Variants in TRIOBP observed in about 807,000 individuals in gnomAD.
The protein encoded by TRIOBP is TRIO and F-actin binding protein, also known as TRIO and F-actin-binding protein.
In TRIOBP, 169 loss-of-function variants were observed where a neutral mutation model predicts 238.8. The observed-to-expected ratio is 0.71, with a 90% confidence interval of 0.62 to 0.80. The LOEUF is 0.80. Among genes scored for constraint, TRIOBP ranks in the 30% least tolerant of loss-of-function variants. TRIOBP has a pLI of 0.00. For missense variants in TRIOBP, 2,838 were observed against 3,122.6 expected (o/e 0.91, Z 2.17); for synonymous variants, 1,150 against 1,274.4 (o/e 0.90, Z 2.08).
At position 37,749,148 on chromosome 22, in the gene TRIOBP, A is replaced by T. The variant is rs1311998082; in HGVS notation, c.5323-2624A>T. 5.3e-5 allele frequency among the ~76,000 whole-genome samples: 8 copies of T among 152,166 alleles called. No homozygotes were observed. In the East Asian group the frequency reaches 1.5e-3, roughly 29 times the overall value. ...GGTGGATGGATCACTTGAGGTCAGG[A>T]GTTCGAGACCAGCCTGGCCAGCATG... On this transcript the variant is annotated intron_variant, in intron 11 of 23. Transcript: ENST00000644935.
rs1555894671 is a variant in TRIOBP, at chr22:37,711,590, A to AAC, written c.254+1025_254+1026insCA. ...CGAGGCTCCGTCTCAAAAAAAAAAA[A>AAC]AACAACAAAAAAAAAAAACAAAAAA... On this transcript the variant is annotated intron_variant, in intron 4 of 23. Transcript: ENST00000644935. Among the ~76,000 whole-genome samples the AAC allele has an allele frequency of 4.7e-3, 224 of 47,394 alleles. 4 individuals are homozygous for AAC. The highest frequency in any genetic ancestry group is 8.3e-3 in the African/African-American group (216 of 25,948). The allele number at this position is 47,394 out of a possible 152,430, so 31.1% of individuals were successfully genotyped here.
intron 15 of TRIOBP, among the ~76,000 whole-genome samples, chr22:37,757,107 A>G (rs1487506341): frequency 6.6e-6 from 1 of 152,084 alleles, no homozygotes; most frequent in East Asian, 1.9e-4. Flanking sequence ...CACGCCTGTA[A>G]TCCCAGAGCT....
intron 11 of TRIOBP, among the ~76,000 whole-genome samples, chr22:37,743,834 T>TGTGTGCTGG (rs1488898343): frequency 3.2e-5 from 4 of 125,924 alleles, no homozygotes; most frequent in East Asian, 2.3e-4. Context: ...TGTGTGTGTG[T>TGTGTGCTGG]GTGTGTGTGT....
chr22:37,702,176 C>T (rs1310163333), intron 3 of TRIOBP, among the ~76,000 whole-genome samples: 1 of 131,978 alleles, frequency 7.6e-6, no homozygotes, highest in African/African-American at 2.5e-5. Context: ...TGTCGTTACA[C>T]CCTAACTTGA....
chr22:37,771,819 A>G, intron 22 of TRIOBP, 83 bp downstream of exon 22: 1 of 1,245,240 alleles, frequency 8.0e-7, no homozygotes, highest in Non-Finnish European at 1.2e-6. Flanking sequence ...CTCTGTGCCA[A>G]GCCCTCCACT....
chr22:37,711,801 T>A (rs1414236859), intron 4 of TRIOBP, among the ~76,000 whole-genome samples: 1 of 152,176 alleles, frequency 6.6e-6, no homozygotes, highest in Non-Finnish European at 1.5e-5. Context: ...TACAGAGCTC[T>A]TTTTTATGGC....
At chr22:37,727,069 G>T (rs1359635568) in intron 7 of TRIOBP, among the ~76,000 whole-genome samples, 3 of 151,646 alleles carry the variant, frequency 2.0e-5, no homozygotes, top group African/African-American at 7.3e-5. Context: ...ACCACACCCG[G>T]CTAATTTTTT....
chr22:37,751,680 T>C, intron 11 of TRIOBP, 92 bp from the exon 12 acceptor site: 9 of 1,463,968 alleles, frequency 6.1e-6, no homozygotes, highest in South Asian at 1.2e-5. Context: ...CCCACAGGAC[T>C]TGGGGACAGG....
rs1924600946 is a variant in TRIOBP at position 37,734,985 on chromosome 22, G to A, written c.4649G>A (p.Gly1550Asp). ...GAGGGAGCGTGTCCATACCCGCGTG[G>A]CTCTGAGAGGCGACCCGAGCTTGAC... Reference protein sequence around the residue: ...GAEGACPYPRGSERRPELDWR... With the variant: ...GAEGACPYPRDSERRPELDWR... Residue 1550 changes from glycine (G) to aspartate (D), a missense_variant, in exon 9 of 24, where the codon GGC (glycine) becomes GAC (aspartate). By Grantham distance (94) the Gly-to-Asp change is moderately conservative (BLOSUM62 -1). This residue lies in a region of TRIOBP where 2,096 missense variants were observed against 2,137.4 expected (regional missense o/e 0.98). Transcript: ENST00000644935. 1.2e-6 allele frequency: 2 copies of A among 1,613,384 alleles called. No individual in the cohort carries two copies. The highest frequency in any genetic ancestry group is 2.7e-5 in the African/African-American group (2 of 75,038).
chr22:37,725,770 C>G lies in TRIOBP; in HGVS notation c.3214C>G (p.Arg1072Gly), dbSNP rs752019502. The G allele has an allele frequency of 3.1e-6, 5 of 1,610,252 alleles. No individual in the cohort carries two copies. The Admixed American group carries it at 8.3e-5, about 27-fold the overall frequency. ...AVCIGHRDAP[R>G]ASSPPRHTQF... The stretch of plus-strand genomic sequence containing the variant: ...GTGCATTGGACACCGAGATGCCCCC[C>G]GGGCGTCCTCGCCCCCCCGCCACAC... The change falls in exon 7 of 24, where the codon CGG becomes GGG. Residue 1072 changes from arginine (R) to glycine (G), a missense_variant. Around this residue, in one of 5 missense-constraint regions of TRIOBP, gnomAD observed 2,096 missense variants for 2,137.4 expected, o/e 0.98. Transcript: ENST00000644935.
chr22:37,742,801 A>T (rs1925003748), intron 11 of TRIOBP, among the ~76,000 whole-genome samples: 1 of 152,170 alleles, frequency 6.6e-6, no homozygotes, highest in African/African-American at 2.4e-5. Context: ...CACTTATTGT[A>T]TGCCTACTAC....
At chr22:37,708,836 G>A (rs1207803086) in intron 3 of TRIOBP, among the ~76,000 whole-genome samples, 1 of 152,240 alleles carries the variant, frequency 6.6e-6, no homozygotes, top group Non-Finnish European at 1.5e-5. Context: ...CCGCCAGACA[G>A]GAAATCAGAG....
chr22:37,731,139 C>T (rs184738513), intron 7 of TRIOBP, among the ~76,000 whole-genome samples: 1 of 151,972 alleles, frequency 6.6e-6, no homozygotes, highest in African/African-American at 2.4e-5. Context: ...AAAACTCCAA[C>T]CCCATACTTT....
At position 37,701,313 on chromosome 22, in the gene TRIOBP, A is replaced by G. The variant is rs1414234044; in HGVS notation, c.-53A>G. On this transcript the variant is annotated 5_prime_UTR_variant, in exon 3 of 24. Transcript: ENST00000644935. ...CCCCCTCATTTTTGCCAGGCCTCAC[A>G]TAGACGGTCAGCCATTGGATCATAG... 21 of 1,466,502 alleles carry G rather than the reference A, an allele frequency of 1.4e-5. No homozygotes were observed. The East Asian group carries it at 3.7e-4, about 26-fold the overall frequency. 90.8% of individuals were successfully genotyped at this position (1,466,502 alleles called of 1,614,324 possible).
At chr22:37,759,689 G>A in intron 17 of TRIOBP, 1 of 1,514,820 alleles carries the variant, frequency 6.6e-7, no homozygotes. Context: ...CCCACACAAG[G>A]AGGTCTGCAG....
At chr22:37,727,263 T>TTTC in intron 7 of TRIOBP, among the ~76,000 whole-genome samples, 1 of 151,610 alleles carries the variant, frequency 6.6e-6, no homozygotes, top group Non-Finnish European at 1.5e-5. Context: ...TTTTTTTTTT[T>TTTC]TTTCTTCCGT....
At chr22:37,767,765 A>G (rs1435805212) in intron 18 of TRIOBP, among the ~76,000 whole-genome samples, 2 of 152,108 alleles carry the variant, frequency 1.3e-5, no homozygotes, top group Non-Finnish European at 2.9e-5. Flanking sequence ...GGAGGTACCA[A>G]TGGTCAGACC....
rs11546529 is a variant in TRIOBP, at chr22:37,758,060, C to G, written c.6135C>G (p.Pro2045=). 1 of 1,611,920 alleles carries G rather than the reference C, an allele frequency of 6.2e-7. No homozygotes were observed. ...CCCTGCGGGAGAATAAGCGGGTGCCCCTCACTGCCCTGCTCAACCAAAGCC... is the reference window on the plus strand; with the variant it reads ...CCCTGCGGGAGAATAAGCGGGTGCCGCTCACTGCCCTGCTCAACCAAAGCC... ...KLPLRENKRV[P]LTALLNQSRG... is the part of the protein sequence containing the mutation. The change falls in exon 16 of 24, where the codon CCC becomes CCG. Residue 2045 remains proline, a synonymous_variant. Coordinates refer to ENST00000644935, the MANE Select transcript of TRIOBP (RefSeq NM_001039141.3).
At chr22:37,767,298 C>G (rs1490481191) in intron 18 of TRIOBP, among the ~76,000 whole-genome samples, 12 of 37,488 alleles carry the variant, frequency 3.2e-4, no homozygotes, top group African/African-American at 1.1e-3. Flanking sequence ...GAGTGAGACT[C>G]TGTCTCAAAA....
Sources: allele counts gnomAD v4.1 joint callset (sites outside exome capture counted in the v4.1 genomes callset), GRCh38; gene constraint gnomAD v4.1.1; regional missense constraint gnomAD v4.1.1; transcripts MANE v1.5; gene names NCBI Gene and HGNC (gene_info 2026-07-23, HGNC 2026-07-21).